The following BCKDHB variants were observed in gnomAD, a reference collection of about 807,000 sequenced individuals.
BCKDHB encodes the protein 2-oxoisovalerate dehydrogenase subunit beta, mitochondrial.
A neutral mutation model predicts 48.5 loss-of-function variants in BCKDHB; 41 were observed. The ratio of observed to expected loss-of-function variants is 0.85; its 90% CI spans 0.66 to 1.10. The LOEUF is 1.10. BCKDHB is among the 50% of genes least tolerant of loss of function. The pLI is 0.00. For missense variants in BCKDHB, 496 were observed against 494.2 expected, an observed-to-expected ratio of 1.00 and a Z score of -0.03; for synonymous variants, 201 against 174.8, an observed-to-expected ratio of 1.15 and a Z score of -1.18.
intron 1 of BCKDHB, among the ~76,000 whole-genome samples, 170 bp downstream of exon 1, chr6:80,107,059 C>A (rs1208388616): frequency 7.2e-5 from 11 of 151,920 alleles, no homozygotes; most frequent in African/African-American, 2.7e-4. Context: ...TCACTTCTTG[C>A]TCTATTTTTG....
chr6:80,256,824 A>G (rs1286086487), intron 8 of BCKDHB, among the ~76,000 whole-genome samples: 1 of 152,194 alleles, frequency 6.6e-6, no homozygotes, highest in East Asian at 1.9e-4. Flanking sequence ...TTTAGCCATA[A>G]TAAATGAAGT....
the BCKDHB span, among the ~76,000 whole-genome samples, chr6:80,402,911 C>G: frequency 1.1e-4 from 16 of 151,834 alleles, no homozygotes; most frequent in East Asian, 2.3e-3. Flanking sequence ...ATTAGTTGAT[C>G]AGATATGTGA....
intron 9 of BCKDHB, among the ~76,000 whole-genome samples, chr6:80,332,873 A>G (rs1030743258): frequency 1.3e-5 from 2 of 151,814 alleles, no homozygotes; most frequent in African/African-American, 4.8e-5. Flanking sequence ...AGAAAGTTCC[A>G]CCCATGTCCA....
chr6:80,414,362 T>C, the BCKDHB span, among the ~76,000 whole-genome samples: 1 of 152,120 alleles, frequency 6.6e-6, no homozygotes, highest in South Asian at 2.1e-4. Context: ...CAGGAAATAT[T>C]TTTCAGTTCC....
rs546432586 is a variant in BCKDHB, at chr6:80,146,744, A to G, written c.343+17515A>G. Among the ~76,000 whole-genome samples, 10 of 152,280 alleles carry G rather than the reference A, an allele frequency of 6.6e-5. No homozygotes were observed. In the South Asian group the frequency reaches 2.1e-3, roughly 32 times the overall value. ...GGGATGAATGGAGTGGGGCTTTAGA[A>G]TAGGGAGAATTGGTTGAAAATCTTT... is the stretch of plus-strand genomic sequence containing the variant. On this transcript the variant is annotated intron_variant, in intron 3 of 9. Coordinates refer to ENST00000320393, the MANE Select transcript of BCKDHB (RefSeq NM_183050.4).
At chr6:80,264,911 A>G (rs1005290480) in intron 8 of BCKDHB, among the ~76,000 whole-genome samples, 2 of 152,106 alleles carry the variant, frequency 1.3e-5, no homozygotes, top group Non-Finnish European at 2.9e-5. Flanking sequence ...ACTCAAATAG[A>G]CATTTGTCCA....
At chr6:80,430,326 C>A in the BCKDHB span, among the ~76,000 whole-genome samples, 7 of 152,030 alleles carry the variant, frequency 4.6e-5, no homozygotes, top group African/African-American at 7.2e-5. Context: ...CTAAAATTTT[C>A]TTTTTTGTTG....
chr6:80,289,860 C>T (rs1766819966), intron 9 of BCKDHB, among the ~76,000 whole-genome samples: 1 of 152,148 alleles, frequency 6.6e-6, no homozygotes, highest in Non-Finnish European at 1.5e-5. Flanking sequence ...GTGGGGAGGG[C>T]TCTTCATCCC....
intron 8 of BCKDHB, among the ~76,000 whole-genome samples, chr6:80,208,140 C>T (rs1243968688): frequency 1.3e-5 from 2 of 151,666 alleles, no homozygotes; most frequent in African/African-American, 2.4e-5. Context: ...TGTTCTCTAA[C>T]AATAGTGGAA....
intron 6 of BCKDHB, among the ~76,000 whole-genome samples, chr6:80,186,153 T>C (rs2490253): frequency 0.62 from 93,187 of 151,290 alleles, 28,927 homozygotes; most frequent in South Asian, 0.76. Flanking sequence ...GGATGGGGCT[T>C]TAGAGTTCTC....
chr6:80,248,149 GA>G lies in BCKDHB; in HGVS notation c.952-24983del, dbSNP rs546233034. 2.6e-3 allele frequency among the ~76,000 whole-genome samples: 403 copies of G among 152,166 alleles called. 1 individual carries two copies. The highest frequency in any genetic ancestry group is 4.7e-3 in the Non-Finnish European group (318 of 68,006). On this transcript the variant is annotated intron_variant, in intron 8 of 9. Transcript: ENST00000320393. ...TCCTGCTCTCTTTTCAATGCTTTGG[GA>G]AATTCATCTTCATAAAGCTTGATTT...
the BCKDHB span, among the ~76,000 whole-genome samples, chr6:80,458,975 TATA>T: frequency 6.6e-6 from 1 of 152,042 alleles, no homozygotes; most frequent in Non-Finnish European, 1.5e-5. Context: ...ACCCACAAAA[TATA>T]ATAAGTGCTG....
chr6:80,464,016 A>C, the BCKDHB span, among the ~76,000 whole-genome samples: 1 of 151,798 alleles, frequency 6.6e-6, no homozygotes, highest in African/African-American at 2.4e-5. Context: ...CTGGTTTTCC[A>C]CCACCACTCC....
chr6:80,262,718 C>A (rs1777356220), intron 8 of BCKDHB, among the ~76,000 whole-genome samples: 1 of 151,974 alleles, frequency 6.6e-6, no homozygotes, highest in Non-Finnish European at 1.5e-5. Flanking sequence ...GTGGTATTTT[C>A]TCTTTTATAA....
the BCKDHB span, among the ~76,000 whole-genome samples, chr6:80,413,652 G>T: frequency 6.6e-6 from 1 of 152,198 alleles, no homozygotes; most frequent in Non-Finnish European, 1.5e-5. Flanking sequence ...TGCCTGCATA[G>T]TATTCCATGA....
At chr6:80,180,439 A>G (rs1339124923) in intron 6 of BCKDHB, among the ~76,000 whole-genome samples, 1 of 152,218 alleles carries the variant, frequency 6.6e-6, no homozygotes, top group African/African-American at 2.4e-5. Flanking sequence ...ATTATCACAT[A>G]TAGGCATCTT....
the BCKDHB span, among the ~76,000 whole-genome samples, chr6:80,352,166 A>G: frequency 2.2e-5 from 3 of 134,642 alleles, no homozygotes; most frequent in South Asian, 2.6e-4. Flanking sequence ...TTTTTTGGAG[A>G]TAGGGTTTGG....
At chr6:80,200,409 A>G (rs997784301) in intron 6 of BCKDHB, among the ~76,000 whole-genome samples, 2 of 152,072 alleles carry the variant, frequency 1.3e-5, no homozygotes, top group Non-Finnish European at 2.9e-5. Context: ...TGGCCCTACT[A>G]TTTTTTCCAA....
chr6:80,164,881 TTG>T (rs1772495713), intron 3 of BCKDHB, among the ~76,000 whole-genome samples: 3 of 152,294 alleles, frequency 2.0e-5, no homozygotes, highest in South Asian at 2.1e-4. Context: ...GTCATCAATA[TTG>T]TGTGTCTTAT....
Sources: gnomAD v4.1 joint callset for allele counts (sites outside exome capture counted in the v4.1 genomes callset) on GRCh38, gnomAD v4.1.1 for gene constraint, MANE v1.5 for transcripts, NCBI Gene and HGNC (gene_info 2026-07-23, HGNC 2026-07-21) for gene names.